Variants in AP3S1 observed in about 807,000 individuals in gnomAD.
AP3S1 encodes the protein adaptor related protein complex 3 subunit sigma 1, also known as AP-3 complex subunit sigma-1.
In AP3S1, 12 loss-of-function variants were observed where a neutral mutation model predicts 21.3. The observed-to-expected ratio is 0.56, with a 90% CI of 0.36 to 0.91. AP3S1 has a LOEUF of 0.91. AP3S1 is among the 40% of genes least tolerant of loss of function. The pLI, the probability that AP3S1 is intolerant of heterozygous loss-of-function variation, is 0.01. For missense variants in AP3S1, 116 were observed against 225.0 expected (o/e 0.52, Z 3.10); for synonymous variants, 48 against 78.4 (o/e 0.61, Z 2.05).
chr5:115,845,904 T>C (rs147397560), intron 1 of AP3S1, among the ~76,000 whole-genome samples: 2 of 149,964 alleles, frequency 1.3e-5, no homozygotes, highest in Non-Finnish European at 3.0e-5. Context: ...TGCATCCCTT[T>C]TCGTTTTTGC....
intron 2 of AP3S1, 141 bp downstream of exon 2, chr5:115,866,902 A>G: frequency 2.3e-6 from 1 of 430,560 alleles, no homozygotes; most frequent in Non-Finnish European, 4.0e-6. Flanking sequence ...TTAGCTATAA[A>G]TCTAACTTAA....
intron 3 of AP3S1, among the ~76,000 whole-genome samples, chr5:115,881,137 C>G (rs1028016270): frequency 6.6e-6 from 1 of 151,982 alleles, no homozygotes; most frequent in African/African-American, 2.4e-5. Flanking sequence ...ACTGATGGGT[C>G]TTGACCTTTT....
intron 1 of AP3S1, among the ~76,000 whole-genome samples, chr5:115,858,529 G>A (rs929913728): frequency 3.9e-5 from 6 of 151,938 alleles, no homozygotes; most frequent in Non-Finnish European, 8.8e-5. Context: ...GTACTTGATG[G>A]GTCCTTTGGT....
At chr5:115,885,340 C>G (rs1749687273) in intron 3 of AP3S1, among the ~76,000 whole-genome samples, 1 of 152,104 alleles carries the variant, frequency 6.6e-6, no homozygotes, top group African/African-American at 2.4e-5. Context: ...CCAAAAGCCT[C>G]AAAAACAGGG....
intron 1 of AP3S1, among the ~76,000 whole-genome samples, chr5:115,860,915 A>G (rs1379630010): frequency 6.6e-6 from 1 of 152,188 alleles, no homozygotes; most frequent in Non-Finnish European, 1.5e-5. Context: ...TTTTATGTGT[A>G]AGGTAACCCA....
Position 115,863,722 on chromosome 5 carries a change from A to G in AP3S1, c.70-2948A>G, listed in dbSNP as rs138141424. ...CACAGGAATGCTATAAGAAAGGCAT[A>G]TCTATAGAATATGATTTGAGAAAAA... On this transcript the variant is annotated intron_variant, in intron 1 of 5. Coordinates refer to ENST00000316788, the MANE Select transcript of AP3S1 (RefSeq NM_001284.4). 5.1e-3 allele frequency among the ~76,000 whole-genome samples: 773 copies of G among 152,368 alleles called. 2 individuals are homozygous for G. The highest frequency in any genetic ancestry group is 7.2e-3 in the South Asian group (35 of 4,832).
intron 5 of AP3S1, among the ~76,000 whole-genome samples, chr5:115,904,350 C>T (rs1031866404): frequency 1.3e-5 from 2 of 152,188 alleles, no homozygotes; most frequent in African/African-American, 2.4e-5. Context: ...ATCAGTTTAA[C>T]TCAATTCAAT....
intron 2 of AP3S1, among the ~76,000 whole-genome samples, chr5:115,869,021 TTA>T (rs1236749749): frequency 6.6e-6 from 1 of 150,704 alleles, no homozygotes; most frequent in East Asian, 2.0e-4. Context: ...GGGATGGATG[TTA>T]GTTTAATTTT....
chr5:115,907,362 G>A (rs1307601553), intron 5 of AP3S1, among the ~76,000 whole-genome samples: 2 of 152,116 alleles, frequency 1.3e-5, no homozygotes, highest in African/African-American at 4.8e-5. Context: ...ATACAAAATG[G>A]GAAGCAGTGA....
chr5:115,885,541 CCTT>C (rs1311280018), intron 3 of AP3S1, among the ~76,000 whole-genome samples: 2 of 152,162 alleles, frequency 1.3e-5, no homozygotes, highest in Non-Finnish European at 2.9e-5. Context: ...GGTTATTTAA[CCTT>C]CTTTTGCCTG....
At chr5:115,878,697 T>A (rs1177628944) in intron 3 of AP3S1, among the ~76,000 whole-genome samples, 1 of 152,182 alleles carries the variant, frequency 6.6e-6, no homozygotes, top group East Asian at 1.9e-4. Context: ...TTTGGTTCCA[T>A]ATGAAGTTTA....
chr5:115,862,860 A>AT (rs1554065960), intron 1 of AP3S1, among the ~76,000 whole-genome samples: 3 of 152,256 alleles, frequency 2.0e-5, no homozygotes, highest in Non-Finnish European at 4.4e-5. Flanking sequence ...GAGAAATATC[A>AT]TGACGCTACA....
intron 1 of AP3S1, among the ~76,000 whole-genome samples, chr5:115,853,518 C>G (rs1291514495): frequency 2.0e-5 from 3 of 152,036 alleles, no homozygotes; most frequent in African/African-American, 4.8e-5. Flanking sequence ...TTTTGGTATC[C>G]TATCTAAAAA....
chr5:115,897,112 C>G (rs1750816774), intron 4 of AP3S1, among the ~76,000 whole-genome samples: 1 of 152,150 alleles, frequency 6.6e-6, no homozygotes, highest in African/African-American at 2.4e-5. Flanking sequence ...ATGTGAAAAT[C>G]ATCCCTATCC....
intron 3 of AP3S1, among the ~76,000 whole-genome samples, chr5:115,873,307 T>C (rs548689575): frequency 2.6e-5 from 4 of 152,292 alleles, no homozygotes; most frequent in African/African-American, 9.6e-5. Context: ...AACTATCTTT[T>C]GTGTTTTGCA....
intron 1 of AP3S1, among the ~76,000 whole-genome samples, chr5:115,860,566 C>G (rs187547831): frequency 1.2e-4 from 18 of 152,292 alleles, no homozygotes; most frequent in African/African-American, 3.6e-4. Flanking sequence ...ATCTTCACTT[C>G]CAGACATATG....
intron 3 of AP3S1, among the ~76,000 whole-genome samples, chr5:115,889,755 T>A: frequency 6.6e-6 from 1 of 152,052 alleles, no homozygotes; most frequent in East Asian, 1.9e-4. Context: ...GTGGAAGGAT[T>A]GCTTGAGCCC....
At chr5:115,911,980 A>G (rs1171340044) in intron 5 of AP3S1, 3 of 151,928 alleles carry the variant, frequency 2.0e-5, no homozygotes, top group African/African-American at 7.2e-5. Flanking sequence ...TGTGTAGAAT[A>G]TACTTATTAT....
intron 3 of AP3S1, among the ~76,000 whole-genome samples, chr5:115,875,008 A>G (rs906345965): frequency 6.6e-6 from 1 of 152,204 alleles, no homozygotes; most frequent in African/African-American, 2.4e-5. Flanking sequence ...TTAAAAAAAG[A>G]TATTTCATGT....
Sources: allele counts gnomAD v4.1 joint callset (sites outside exome capture counted in the v4.1 genomes callset), GRCh38; gene constraint gnomAD v4.1.1; transcripts MANE v1.5; gene names NCBI Gene and HGNC (gene_info 2026-07-23, HGNC 2026-07-21).